DAB1: variants seen among roughly 807,000 people sequenced by gnomAD.
The protein encoded by DAB1 is disabled homolog 1.
DAB1 carries 15 observed loss-of-function variants against 64.6 expected under a neutral mutation model. The ratio of observed to expected loss-of-function variants is 0.23; its 90% CI spans 0.16 to 0.36. The LOEUF (loss-of-function observed/expected upper bound fraction) is 0.36. Ranked by LOEUF, DAB1 falls within the 10% of genes least tolerant of loss-of-function variation. The pLI, the probability that DAB1 is intolerant of heterozygous loss-of-function variation, is 1.00. For synonymous variants in DAB1, 235 were observed against 251.9 expected (o/e 0.93, Z 0.64); for missense variants, 596 against 706.7 (o/e 0.84, Z 1.78).
chr1:58,527,210 T>C lies in DAB1; in HGVS notation n.107+51A>G, dbSNP rs768888145. ...GCCTCATTAAAATAACACACGTTTA[T>C]CTTTCAGCCTGGGAAGGGCATTATG... On this transcript the variant is annotated intron_variant and non_coding_transcript_variant, in intron 2 of 20. Transcript: ENST00000485760. 2.4e-5 allele frequency: 20 copies of C among 847,376 alleles called. 1 individual carries two copies. Among genetic ancestry groups the C allele is most frequent in the East Asian group, 1.4e-4 (6 of 41,500 alleles). The allele number at this position is 847,376 out of a possible 1,614,324, so 52.5% of individuals were successfully genotyped here. A position where few individuals can be genotyped will look rare whatever the true frequency, so the allele number is the denominator to read the frequency against.
chr1:58,105,731 G>A (rs1425999477), intron 5 of DAB1, among the ~76,000 whole-genome samples: 1 of 152,156 alleles, frequency 6.6e-6, no homozygotes, highest in Non-Finnish European at 1.5e-5. Context: ...TAGGAATAAT[G>A]AGGAAAGTAA....
upstream of DAB1, among the ~76,000 whole-genome samples, chr1:57,424,491 A>G (rs1156732910): frequency 6.6e-6 from 1 of 152,126 alleles, no homozygotes; most frequent in Non-Finnish European, 1.5e-5. Context: ...AGGGTAAGGG[A>G]GGGGGGTTGT....
At chr1:57,564,512 C>T (rs541251797) in intron 7 of DAB1, among the ~76,000 whole-genome samples, 150 of 152,162 alleles carry the variant, frequency 9.9e-4, no homozygotes, top group African/African-American at 3.4e-3. Context: ...CTGAACCCAT[C>T]GCAAAGAAGC....
At chr1:58,406,250 C>T (rs1557750964) in intron 3 of DAB1, among the ~76,000 whole-genome samples, 1 of 152,176 alleles carries the variant, frequency 6.6e-6, no homozygotes, top group Non-Finnish European at 1.5e-5. Flanking sequence ...CTCAGGCCTG[C>T]AACAGACCGT....
rs149869213 is a variant in DAB1 at position 57,071,243 on chromosome 1, C to A, written c.559-182G>T. On this transcript the variant is annotated intron_variant, in intron 6 of 14. Transcript: ENST00000371236. ...CCTTAGAGCCACTCCCACCTCCACC[C>A]GCACTGTTAACAACAGCAAAAGCAA... 7.8e-5 allele frequency: 52 copies of A among 666,898 alleles called. No individual in the cohort carries two copies. In the African/African-American group the frequency reaches 8.6e-4, roughly 11 times the overall value. The allele number at this position is 666,898 out of a possible 1,614,324, so 41.3% of individuals were successfully genotyped here.
At chr1:57,947,012 T>G (rs968559413) in intron 5 of DAB1, among the ~76,000 whole-genome samples, 3 of 152,216 alleles carry the variant, frequency 2.0e-5, no homozygotes, top group Admixed American at 2.0e-4. Flanking sequence ...ATAGTCTTAG[T>G]ATCATGGCAA....
intron 7 of DAB1, among the ~76,000 whole-genome samples, chr1:57,559,670 T>C (rs987586095): frequency 1.3e-5 from 2 of 152,130 alleles, no homozygotes; most frequent in African/African-American, 4.8e-5. Context: ...CCCGGACTCA[T>C]CCTGTAGTCA....
At chr1:57,973,318 G>A (rs1645842866) in intron 5 of DAB1, among the ~76,000 whole-genome samples, 1 of 152,288 alleles carries the variant, frequency 6.6e-6, no homozygotes, top group East Asian at 1.9e-4. Flanking sequence ...CAGAGGCAAT[G>A]CAGGCCTGCC....
chr1:58,329,132 A>C (rs1294650226), intron 4 of DAB1, among the ~76,000 whole-genome samples: 2 of 152,258 alleles, frequency 1.3e-5, no homozygotes, highest in Non-Finnish European at 2.9e-5. Flanking sequence ...CTACAAAAGT[A>C]ATAGAGGATA....
intron 7 of DAB1, among the ~76,000 whole-genome samples, chr1:57,493,753 G>C (rs537883643): frequency 7.4e-6 from 1 of 134,666 alleles, no homozygotes; most frequent in Non-Finnish European, 1.5e-5. Context: ...GCAGGCTGAC[G>C]TATTCACAGC....
intron 3 of DAB1, among the ~76,000 whole-genome samples, chr1:58,444,166 G>A (rs1645040993): frequency 6.6e-6 from 1 of 152,174 alleles, no homozygotes; most frequent in African/African-American, 2.4e-5. Context: ...CTCTCCACAT[G>A]TTAATCAAAA....
At chr1:57,062,459 C>T (rs1300641627) in intron 9 of DAB1, among the ~76,000 whole-genome samples, 1 of 152,110 alleles carries the variant, frequency 6.6e-6, no homozygotes, top group Non-Finnish European at 1.5e-5. Context: ...ATCAGCTCTG[C>T]CTCTTACTCA....
intron 5 of DAB1, among the ~76,000 whole-genome samples, chr1:58,142,290 C>A (rs1388848983): frequency 6.6e-6 from 1 of 152,238 alleles, no homozygotes; most frequent in Admixed American, 6.5e-5. Context: ...ATGATGCCAG[C>A]AGCATTAAGC....
intron 2 of DAB1, among the ~76,000 whole-genome samples, chr1:57,220,012 C>G (rs1666735120): frequency 1.3e-5 from 2 of 152,180 alleles, no homozygotes; most frequent in African/African-American, 4.8e-5. Context: ...CATTAGACTA[C>G]AAGCTTCTTG....
chr1:57,048,261 C>T (rs1648783763), intron 9 of DAB1, among the ~76,000 whole-genome samples: 1 of 152,218 alleles, frequency 6.6e-6, no homozygotes, highest in South Asian at 2.1e-4. Flanking sequence ...TAACCAGTCC[C>T]TACTCTATAT....
chr1:58,320,615 T>C (rs769644431), intron 4 of DAB1, among the ~76,000 whole-genome samples: 7 of 152,184 alleles, frequency 4.6e-5, no homozygotes, highest in Non-Finnish European at 8.8e-5. Context: ...ATGTTTTCCA[T>C]GAATGAGACT....
At chr1:57,072,518 C>G in intron 4 of DAB1, 104 bp from the exon 5 acceptor site, 1 of 1,307,140 alleles carries the variant, frequency 7.7e-7, no homozygotes, top group Non-Finnish European at 1.1e-6. Flanking sequence ...GCCCGAAGGG[C>G]TTTGGAAAAG....
intron 4 of DAB1, among the ~76,000 whole-genome samples, chr1:57,127,653 C>T (rs891916957): frequency 6.6e-6 from 1 of 152,164 alleles, no homozygotes; most frequent in African/African-American, 2.4e-5. Flanking sequence ...CAATAAGTAG[C>T]TTTTGAATAA....
intron 3 of DAB1, among the ~76,000 whole-genome samples, chr1:58,479,455 A>G (rs1411569572): frequency 1.3e-5 from 2 of 152,196 alleles, no homozygotes; most frequent in Non-Finnish European, 2.9e-5. Flanking sequence ...TATTTTGTCC[A>G]AGAAGATTTA....
Sources: gnomAD v4.1 joint callset for allele counts (sites outside exome capture counted in the v4.1 genomes callset) on GRCh38, gnomAD v4.1.1 for gene constraint, MANE v1.5 for transcripts, NCBI Gene and HGNC (gene_info 2026-07-23, HGNC 2026-07-21) for gene names.